Variants in CEP57L1 observed in about 807,000 individuals in gnomAD.
The protein encoded by CEP57L1 is centrosomal protein 57 like 1.
In CEP57L1, 37 loss-of-function variants were observed where a neutral mutation model predicts 61.0. That is an observed-to-expected ratio of 0.61 (90% confidence interval 0.47 to 0.80). CEP57L1 has a LOEUF of 0.80. CEP57L1 is among the 30% of genes least tolerant of loss of function. The pLI is 0.00. For synonymous variants in CEP57L1, 137 were observed against 162.3 expected, an observed-to-expected ratio of 0.84 and a Z score of 1.19; for missense variants, 422 against 524.7, an observed-to-expected ratio of 0.80 and a Z score of 1.91.
chr6:109,146,714 C>A, intron 2 of CEP57L1, 44 bp from the exon 3 acceptor site: 1 of 1,303,650 alleles, frequency 7.7e-7, no homozygotes, highest in Non-Finnish European at 1.0e-6. Flanking sequence ...TGTAAGTGTT[C>A]AGAAACTTTC....
intron 1 of CEP57L1, among the ~76,000 whole-genome samples, chr6:109,136,545 C>G (rs1293583570): frequency 1.4e-5 from 2 of 140,904 alleles, no homozygotes; most frequent in Admixed American, 7.4e-5. Flanking sequence ...GCACATGTAC[C>G]CTAAAACTAT....
Position 109,174,099 on chromosome 6 carries a change from C to CAAAAAAAAAA in CEP57L1, c.*11135_*11144dup, listed in dbSNP as rs1298260523. Among the ~76,000 whole-genome samples the CAAAAAAAAAA allele has an allele frequency of 1.8e-3, 149 of 81,858 alleles. 4 individuals carry two copies. The highest frequency in any genetic ancestry group is 4.1e-3 in the African/African-American group (85 of 20,870). 53.7% of individuals were successfully genotyped at this position (81,858 alleles called of 152,430 possible). A position where few individuals can be genotyped will look rare whatever the true frequency, so the allele number is the denominator to read the frequency against. Reference sequence around the variant, plus strand: ...TGAGCCATAGAGTGAGTCTTGGTCTCAAAAAAAAAAAAAAACCTTGTGTTG... The same window carrying CAAAAAAAAAA: ...TGAGCCATAGAGTGAGTCTTGGTCTCAAAAAAAAAAAAAAAAAAAAAAAAACCTTGTGTTG... On this transcript the variant is annotated 3_prime_UTR_variant, in exon 11 of 11. Transcript: ENST00000517392.
At chr6:109,150,094 A>G in intron 3 of CEP57L1, 24 bp from the exon 4 acceptor site, 3 of 1,449,590 alleles carry the variant, frequency 2.1e-6, no homozygotes, top group East Asian at 4.7e-5. Flanking sequence ...CTCTTTTCCT[A>G]ATTGAATACC....
At chr6:109,124,534 A>T (rs755367804) in intron 1 of CEP57L1, among the ~76,000 whole-genome samples, 5 of 152,244 alleles carry the variant, frequency 3.3e-5, no homozygotes, top group Admixed American at 3.3e-4. Context: ...TCTGTGCCAC[A>T]GTTTCCTCAT....
chr6:109,146,976 G>GA, intron 3 of CEP57L1, 39 bp downstream of exon 3: 1 of 1,526,598 alleles, frequency 6.6e-7, no homozygotes, highest in Non-Finnish European at 8.9e-7. Flanking sequence ...GGGGGTTACT[G>GA]GAGTTTACAG....
intron 1 of CEP57L1, among the ~76,000 whole-genome samples, chr6:109,135,238 A>C (rs978213754): frequency 6.6e-6 from 1 of 152,200 alleles, no homozygotes; most frequent in African/African-American, 2.4e-5. Flanking sequence ...GGAACAGAAC[A>C]GAGCCGTCAG....
At chr6:109,146,995 T>C (rs1772036606) in intron 3 of CEP57L1, 58 bp downstream of exon 3, 2 of 1,399,566 alleles carry the variant, frequency 1.4e-6, no homozygotes. Context: ...AGTTCAAAAA[T>C]AATAAACCTA....
At chr6:109,117,883 T>G (rs928603937) in intron 1 of CEP57L1, among the ~76,000 whole-genome samples, 1 of 152,208 alleles carries the variant, frequency 6.6e-6, no homozygotes, top group African/African-American at 2.4e-5. Context: ...CTATTTTGGC[T>G]GCTGGTGGTA....
chr6:109,106,867 G>T (rs917775039), intron 1 of CEP57L1, among the ~76,000 whole-genome samples: 2 of 152,188 alleles, frequency 1.3e-5, no homozygotes, highest in African/African-American at 4.8e-5. Context: ...TTGAACTCAG[G>T]AGGTAAAGGT....
chr6:109,117,619 C>A (rs1341080490), intron 1 of CEP57L1, among the ~76,000 whole-genome samples: 1 of 152,192 alleles, frequency 6.6e-6, no homozygotes, highest in Non-Finnish European at 1.5e-5. Context: ...CTTCCTCTTT[C>A]CATTTCCAGC....
At chr6:109,095,609 T>G in intron 1 of CEP57L1, 34 bp downstream of exon 1, 11 of 982,904 alleles carry the variant, frequency 1.1e-5, no homozygotes, top group Non-Finnish European at 1.3e-5. Context: ...CACCTTTCCT[T>G]GACAGGGTTT....
intron 1 of CEP57L1, among the ~76,000 whole-genome samples, chr6:109,099,079 G>C (rs2114533490): frequency 6.6e-6 from 1 of 152,330 alleles, no homozygotes; most frequent in Non-Finnish European, 1.5e-5. Context: ...TGGTATTTTA[G>C]CTTGGCCACG....
At chr6:109,124,181 C>G (rs1262294486) in intron 1 of CEP57L1, among the ~76,000 whole-genome samples, 1 of 152,146 alleles carries the variant, frequency 6.6e-6, no homozygotes, top group Non-Finnish European at 1.5e-5. Context: ...GTCGTTCTTA[C>G]TTCATAAAAG....
At chr6:109,132,008 A>G (rs1283210974) in intron 1 of CEP57L1, among the ~76,000 whole-genome samples, 2 of 152,170 alleles carry the variant, frequency 1.3e-5, no homozygotes, top group Admixed American at 1.3e-4. Context: ...GACACTGCCT[A>G]GCTCATCCTT....
At position 109,135,251 on chromosome 6, in the gene CEP57L1, A is replaced by C. The variant is rs934030840; in HGVS notation, c.-3-9968A>C. On this transcript the variant is annotated intron_variant, in intron 1 of 10. Transcript: ENST00000517392. Reference sequence around the variant, plus strand: ...ATGGAACAGAACAGAGCCGTCAGAAATAATGCCACACATCTACAACTATGT... The same window carrying C: ...ATGGAACAGAACAGAGCCGTCAGAACTAATGCCACACATCTACAACTATGT... 2.6e-5 allele frequency among the ~76,000 whole-genome samples: 4 copies of C among 152,318 alleles called. No individual in the cohort carries two copies. The Middle Eastern group carries it at 0.01, about 389-fold the overall frequency.
chr6:109,117,510 C>G (rs1291099615), intron 1 of CEP57L1, among the ~76,000 whole-genome samples: 1 of 152,138 alleles, frequency 6.6e-6, no homozygotes, highest in Non-Finnish European at 1.5e-5. Flanking sequence ...GAGGGTTAAC[C>G]CCACTTTTTA....
intron 4 of CEP57L1, among the ~76,000 whole-genome samples, chr6:109,152,526 A>T (rs975455364): frequency 6.6e-6 from 1 of 152,126 alleles, no homozygotes; most frequent in Non-Finnish European, 1.5e-5. Context: ...TAGAAAATTG[A>T]GCAGATAGTA....
chr6:109,113,654 AG>A (rs1771941575), intron 1 of CEP57L1, among the ~76,000 whole-genome samples: 1 of 152,228 alleles, frequency 6.6e-6, no homozygotes, highest in Non-Finnish European at 1.5e-5. Context: ...TGCCAAATAT[AG>A]TTTAAATGTG....
At chr6:109,125,511 T>TATATATATATATATACAC (rs1329271845) in intron 1 of CEP57L1, among the ~76,000 whole-genome samples, 1 of 140,848 alleles carries the variant, frequency 7.1e-6, no homozygotes, top group African/African-American at 2.7e-5. Flanking sequence ...TATATATACA[T>TATATATATATATATACAC]ATATATATAT....
Sources: gnomAD v4.1 joint callset for allele counts (sites outside exome capture counted in the v4.1 genomes callset) on GRCh38, gnomAD v4.1.1 for gene constraint, MANE v1.5 for transcripts, NCBI Gene and HGNC (gene_info 2026-07-23, HGNC 2026-07-21) for gene names.